MEGF10: variants seen among roughly 807,000 people sequenced by gnomAD.
The protein encoded by MEGF10 is multiple EGF like domains 10.
In MEGF10, 86 loss-of-function variants were observed where a neutral mutation model predicts 147.5. The ratio of observed to expected loss-of-function variants is 0.58; its 90% CI spans 0.49 to 0.70. The LOEUF (loss-of-function observed/expected upper bound fraction) is 0.70, where lower values mean the gene tolerates loss of function less well. Ranked by LOEUF, MEGF10 falls within the 30% of genes least tolerant of loss-of-function variation. MEGF10 has a pLI of 0.00. For synonymous variants in MEGF10, 478 were observed against 525.5 expected (o/e 0.91, Z 1.24); for missense variants, 1,329 against 1,487.3 (o/e 0.89, Z 1.75).
At chr5:127,245,236 A>C in the MEGF10 span, among the ~76,000 whole-genome samples, 1 of 152,226 alleles carries the variant, frequency 6.6e-6, no homozygotes, top group South Asian at 2.1e-4. Flanking sequence ...CCAAAACAGC[A>C]TGCTACTGGT....
At chr5:127,325,319 G>C (rs998580069) in intron 1 of MEGF10, among the ~76,000 whole-genome samples, 1 of 152,156 alleles carries the variant, frequency 6.6e-6, no homozygotes, top group Non-Finnish European at 1.5e-5. Flanking sequence ...GGCAGAGACT[G>C]TGCTTTACAA....
intron 14 of MEGF10, 47 bp from the exon 15 acceptor site, chr5:127,434,640 C>A: frequency 6.4e-7 from 1 of 1,551,944 alleles, no homozygotes; most frequent in Admixed American, 1.9e-5. Context: ...GAATGCGAGA[C>A]AAACGCATCT....
At chr5:127,426,746 A>G (rs1431242422) in intron 13 of MEGF10, among the ~76,000 whole-genome samples, 1 of 152,234 alleles carries the variant, frequency 6.6e-6, no homozygotes, top group Non-Finnish European at 1.5e-5. Context: ...CCAAAATTAC[A>G]GAAACAGGCT....
intron 13 of MEGF10, among the ~76,000 whole-genome samples, chr5:127,432,124 A>T (rs989821466): frequency 3.9e-5 from 6 of 152,226 alleles, no homozygotes; most frequent in Non-Finnish European, 7.3e-5. Context: ...TGTTGGGTCA[A>T]GCTAGACACA....
intron 2 of MEGF10, among the ~76,000 whole-genome samples, chr5:127,336,011 G>T (rs1028220523): frequency 7.0e-6 from 1 of 142,304 alleles, no homozygotes; most frequent in Non-Finnish European, 1.5e-5. Flanking sequence ...TTAAGTGGAC[G>T]CTTCAGTTTC....
intron 13 of MEGF10, among the ~76,000 whole-genome samples, chr5:127,425,240 T>C (rs1212967802): frequency 6.6e-6 from 1 of 152,230 alleles, no homozygotes; most frequent in Non-Finnish European, 1.5e-5. Context: ...CATCTGACCT[T>C]AGACCTATCA....
intron 1 of MEGF10, among the ~76,000 whole-genome samples, chr5:127,328,101 T>C (rs1050839501): frequency 1.3e-5 from 2 of 152,202 alleles, no homozygotes; most frequent in Non-Finnish European, 2.9e-5. Flanking sequence ...CCATGTTTCC[T>C]AATTTAGAGA....
At chr5:127,233,309 C>T in the MEGF10 span, among the ~76,000 whole-genome samples, 1 of 152,200 alleles carries the variant, frequency 6.6e-6, no homozygotes, top group Admixed American at 6.5e-5. Context: ...AACCACCACA[C>T]CTTCCTGGTA....
chr5:127,441,929 C>G (rs1765771732), intron 18 of MEGF10, among the ~76,000 whole-genome samples: 1 of 152,152 alleles, frequency 6.6e-6, no homozygotes, highest in Non-Finnish European at 1.5e-5. Context: ...AAGTGACGTC[C>G]AGGAATCAGC....
intron 22 of MEGF10, among the ~76,000 whole-genome samples, chr5:127,453,201 A>C (rs1222399112): frequency 1.3e-5 from 2 of 152,200 alleles, no homozygotes; most frequent in Non-Finnish European, 2.9e-5. Context: ...TTTTAACCTA[A>C]GTCTGTAACA....
chr5:127,252,832 G>T, the MEGF10 span, among the ~76,000 whole-genome samples: 1 of 151,858 alleles, frequency 6.6e-6, no homozygotes, highest in African/African-American at 2.4e-5. Flanking sequence ...CAGGAGGCAG[G>T]TTGTTTTCTT....
intron 13 of MEGF10, among the ~76,000 whole-genome samples, chr5:127,428,953 G>A (rs943847585): frequency 1.3e-5 from 2 of 152,150 alleles, no homozygotes; most frequent in South Asian, 2.1e-4. Flanking sequence ...AGTTTATCAC[G>A]ATCATTCAGC....
the MEGF10 span, among the ~76,000 whole-genome samples, chr5:127,271,437 T>G: frequency 2.6e-5 from 4 of 152,176 alleles, no homozygotes; most frequent in East Asian, 7.7e-4. Flanking sequence ...TTTAAGTTCC[T>G]TATAGATGCT....
intron 8 of MEGF10, among the ~76,000 whole-genome samples, chr5:127,408,047 G>A (rs572566149): frequency 5.3e-4 from 81 of 152,290 alleles, no homozygotes; most frequent in African/African-American, 1.9e-3. Context: ...CAAACTAGTA[G>A]TGTGTTTAAT....
intron 4 of MEGF10, among the ~76,000 whole-genome samples, chr5:127,349,100 A>G (rs1761998728): frequency 6.6e-6 from 1 of 152,134 alleles, no homozygotes; most frequent in East Asian, 1.9e-4. Context: ...AAAGAATAAA[A>G]TTAGTAAGCT....
Position 127,438,527 on chromosome 5 carries a change from T to A in MEGF10, c.2193T>A (p.Cys731Ter). 1 of 1,614,166 alleles carries A rather than the reference T, an allele frequency of 6.2e-7. No homozygotes were observed. Among genetic ancestry groups the A allele is most frequent in the Non-Finnish European group, 8.5e-7 (1 of 1,179,998 alleles). Residue 731 changes from cysteine to a stop codon, truncating the protein, a stop_gained, in exon 17 of 25, where the codon TGT becomes TGA. Coordinates refer to ENST00000503335, the MANE Select transcript of MEGF10 (RefSeq NM_001256545.2). LOFTEE classifies it high-confidence loss of function. ...TCTGCAGCGCCTACGATGGGGAATG[T>A]AAATGCACTCCTGGCTGGACAGGGC... is the stretch of plus-strand genomic sequence containing the variant. Reference protein sequence around the residue: ...GAFCSAYDGECKCTPGWTGLY... With the variant: ...GAFCSAYDGE
intron 1 of MEGF10, among the ~76,000 whole-genome samples, chr5:127,303,500 A>C: frequency 6.6e-6 from 1 of 152,108 alleles, no homozygotes; most frequent in East Asian, 1.9e-4. Context: ...AAAATGGGGA[A>C]GACAATAAGG....
chr5:127,309,994 T>TTTCTTTCTTTCTTTCTTTCTTTCTTTCC (rs781685715), intron 1 of MEGF10, among the ~76,000 whole-genome samples: 7 of 56,864 alleles, frequency 1.2e-4, no homozygotes, highest in Non-Finnish European at 1.3e-4. Context: ...TCTTTCTTTC[T>TTTCTTTCTTTCTTTCTTTCTTTCTTTCC]TTCCTTCCTT....
chr5:127,238,428 T>G, the MEGF10 span, among the ~76,000 whole-genome samples: 2 of 152,170 alleles, frequency 1.3e-5, no homozygotes, highest in South Asian at 4.2e-4. Context: ...TTAGTGGTCC[T>G]TCTCTGGAAA....
Sources: allele counts gnomAD v4.1 joint callset (sites outside exome capture counted in the v4.1 genomes callset), GRCh38; gene constraint gnomAD v4.1.1; transcripts MANE v1.5; gene names NCBI Gene and HGNC (gene_info 2026-07-23, HGNC 2026-07-21).